LRP1B: variants seen among roughly 807,000 people sequenced by gnomAD.
LRP1B encodes LDL receptor related protein 1B.
Under a neutral mutation model 556.6 loss-of-function variants are expected in LRP1B, and 217 were observed. The observed-to-expected ratio is 0.39, with a 90% CI of 0.35 to 0.44. The LOEUF (loss-of-function observed/expected upper bound fraction) is 0.44, where lower values mean the gene tolerates loss of function less well. LRP1B is among the 20% of genes least tolerant of loss of function. LRP1B has a pLI of 1.00. For synonymous variants in LRP1B, 2,047 were observed against 1,865.8 expected (o/e 1.10, Z -2.50); for missense variants, 5,053 against 5,620.8 (o/e 0.90, Z 3.23).
chr2:140,738,097 C>T (rs569766659), intron 35 of LRP1B, among the ~76,000 whole-genome samples: 82 of 152,182 alleles, frequency 5.4e-4, no homozygotes, highest in African/African-American at 1.9e-3. Flanking sequence ...AGAGAAGGCG[C>T]ACTTTTGCCT....
intron 1 of LRP1B, among the ~76,000 whole-genome samples, chr2:141,967,032 T>G (rs543730698): frequency 6.6e-6 from 1 of 152,044 alleles, no homozygotes; most frequent in South Asian, 2.1e-4. Flanking sequence ...TTCCTGCTCC[T>G]GGAAGATGAC....
At chr2:141,430,489 AT>A (rs780746294) in intron 3 of LRP1B, among the ~76,000 whole-genome samples, 29 of 152,308 alleles carry the variant, frequency 1.9e-4, no homozygotes, top group Non-Finnish European at 3.8e-4. Flanking sequence ...AATTAGGGAT[AT>A]TACTGTATAT....
At chr2:140,792,503 C>T (rs529081244) in intron 32 of LRP1B, among the ~76,000 whole-genome samples, 1 of 152,150 alleles carries the variant, frequency 6.6e-6, no homozygotes, top group East Asian at 1.9e-4. Flanking sequence ...CATATATAAT[C>T]GTGCCTAGGA....
Position 140,531,584 on chromosome 2 carries a change from C to A in LRP1B, c.7762+2437G>T, listed in dbSNP as rs558661498. Among the ~76,000 whole-genome samples the A allele has an allele frequency of 2.6e-5, 4 of 152,162 alleles. No individual in the cohort carries two copies. The South Asian group carries it at 8.3e-4, about 32-fold the overall frequency. ...ATGAAATAATTTGCACACATTCTGC[C>A]CTCTTCCTCAACTCTGCATAGTCCT... On this transcript the variant is annotated intron_variant, in intron 47 of 90. Transcript: ENST00000389484.
At chr2:141,437,530 A>G (rs1353507288) in intron 3 of LRP1B, among the ~76,000 whole-genome samples, 27 of 152,104 alleles carry the variant, frequency 1.8e-4, no homozygotes. Flanking sequence ...TTATTGAAAT[A>G]CAAATACAAA....
At chr2:141,110,621 G>C (rs1700726436) in intron 7 of LRP1B, among the ~76,000 whole-genome samples, 1 of 146,988 alleles carries the variant, frequency 6.8e-6, no homozygotes, top group South Asian at 2.2e-4. Flanking sequence ...ACAAAGACAA[G>C]AAAGTTTGTA....
chr2:140,796,053 A>ATACC (rs142023974), intron 32 of LRP1B, among the ~76,000 whole-genome samples: 5 of 151,034 alleles, frequency 3.3e-5, no homozygotes, highest in African/African-American at 1.2e-4. Flanking sequence ...TCCCTGCTCT[A>ATACC]TATCTATCTA....
intron 36 of LRP1B, 49 bp from the exon 37 acceptor site, chr2:140,716,151 T>A (rs775432961): frequency 2.3e-6 from 3 of 1,323,034 alleles, no homozygotes; most frequent in East Asian, 2.4e-5. Flanking sequence ...AGAAAAAAAA[T>A]GTATTTGTCA....
chr2:141,519,404 A>G (rs1417861886), intron 2 of LRP1B, among the ~76,000 whole-genome samples: 15 of 9,376 alleles, frequency 1.6e-3, no homozygotes, highest in Non-Finnish European at 3.1e-3. Flanking sequence ...TATATATATG[A>G]AATGCAATAT....
intron 2 of LRP1B, among the ~76,000 whole-genome samples, chr2:141,677,465 A>C (rs2105423464): frequency 6.6e-6 from 1 of 152,242 alleles, no homozygotes; most frequent in Non-Finnish European, 1.5e-5. Context: ...TTACATTAAA[A>C]ACACTTGATG....
At chr2:140,988,442 T>C (rs775014063) in intron 17 of LRP1B, among the ~76,000 whole-genome samples, 2 of 152,166 alleles carry the variant, frequency 1.3e-5, no homozygotes, top group Non-Finnish European at 2.9e-5. Flanking sequence ...GGAAAAAATC[T>C]GAATAGAAGA....
chr2:140,334,290 G>C (rs1680962505), intron 79 of LRP1B, among the ~76,000 whole-genome samples, 163 bp downstream of exon 79: 1 of 152,094 alleles, frequency 6.6e-6, no homozygotes, highest in East Asian at 1.9e-4. Flanking sequence ...TTTTCAAGTT[G>C]AGAAAATAGG....
intron 7 of LRP1B, among the ~76,000 whole-genome samples, chr2:141,110,187 G>A (rs375038319): frequency 1.3e-5 from 2 of 152,024 alleles, no homozygotes; most frequent in Non-Finnish European, 2.9e-5. Context: ...ATAATTTAGG[G>A]TATAGGGACA....
intron 3 of LRP1B, among the ~76,000 whole-genome samples, chr2:141,356,609 T>A (rs1227238040): frequency 4.6e-5 from 7 of 151,934 alleles, no homozygotes; most frequent in Admixed American, 2.6e-4. Context: ...AAGACATTTT[T>A]CTGTGGAAAT....
rs190207042 is a variant in LRP1B at position 140,429,406 on chromosome 2, T to C, written c.10414+13098A>G. On this transcript the variant is annotated intron_variant, in intron 66 of 90. Coordinates refer to ENST00000389484, the MANE Select transcript of LRP1B (RefSeq NM_018557.3). Reference sequence around the variant, plus strand: ...GATCTCAAACATGCTTTCTTTACTATTCCTTTGCACCCTTCATCCCAGCCT... The same window carrying C: ...GATCTCAAACATGCTTTCTTTACTACTCCTTTGCACCCTTCATCCCAGCCT... Among the ~76,000 whole-genome samples, 804 of 152,226 alleles carry C rather than the reference T, an allele frequency of 5.3e-3. 7 individuals are homozygous for C. The highest frequency in any genetic ancestry group is 0.019 in the African/African-American group (780 of 41,524).
chr2:140,874,800 A>G (rs1171679688), intron 25 of LRP1B, among the ~76,000 whole-genome samples: 1 of 151,578 alleles, frequency 6.6e-6, no homozygotes, highest in East Asian at 1.9e-4. Context: ...GGATGGATCA[A>G]CTGAGGTCAG....
chr2:140,427,605 A>C (rs2105276966), intron 66 of LRP1B, among the ~76,000 whole-genome samples: 1 of 152,312 alleles, frequency 6.6e-6, no homozygotes, highest in East Asian at 1.9e-4. Context: ...TTCTTGTCGT[A>C]AAATGGGCAA....
At chr2:141,214,673 T>C (rs1682716335) in intron 6 of LRP1B, among the ~76,000 whole-genome samples, 3 of 152,144 alleles carry the variant, frequency 2.0e-5, no homozygotes, top group Admixed American at 2.0e-4. Context: ...TAGGGGAGAC[T>C]CAAAAAAGAT....
intron 41 of LRP1B, among the ~76,000 whole-genome samples, chr2:140,671,566 G>T (rs1001452077): frequency 6.6e-6 from 1 of 152,114 alleles, no homozygotes; most frequent in South Asian, 2.1e-4. Context: ...GTCTTTTCCA[G>T]TTTCCAGGGA....
Sources: allele counts gnomAD v4.1 joint callset (sites outside exome capture counted in the v4.1 genomes callset), GRCh38; gene constraint gnomAD v4.1.1; transcripts MANE v1.5; gene names NCBI Gene and HGNC (gene_info 2026-07-23, HGNC 2026-07-21).